Variants in TGS1 observed in about 807,000 individuals in gnomAD.
TGS1 encodes the protein trimethylguanosine synthase 1.
A neutral mutation model predicts 92.2 loss-of-function variants in TGS1; 69 were observed. The ratio of observed to expected loss-of-function variants is 0.75; its 90% confidence interval spans 0.62 to 0.91. The LOEUF (loss-of-function observed/expected upper bound fraction) is 0.91, where lower values mean the gene tolerates loss of function less well. TGS1 is among the 40% of genes least tolerant of loss of function. The probability of loss-of-function intolerance (pLI) is 0.00; values close to 1 mark genes in which losing one functional copy is unlikely to be tolerated. For synonymous variants in TGS1, 345 were observed against 338.1 expected (o/e 1.02, Z -0.22); for missense variants, 1,062 against 1,001.2 (o/e 1.06, Z -0.82).
At chr8:55,782,694 T>C (rs1811599988) in intron 1 of TGS1, 54 bp from the exon 2 acceptor site, 1 of 1,408,440 alleles carries the variant, frequency 7.1e-7, no homozygotes. Context: ...TTTCTTTCCC[T>C]CTAAACTGAT....
intron 5 of TGS1, 146 bp downstream of exon 5, chr8:55,790,445 T>G: frequency 1.6e-6 from 1 of 626,238 alleles, no homozygotes; most frequent in Non-Finnish European, 2.8e-6. Context: ...TTCTGAGCCT[T>G]TGGACCTGGA....
At chr8:55,803,684 TTTC>T (rs1251760503) in intron 9 of TGS1, among the ~76,000 whole-genome samples, 1 of 148,650 alleles carries the variant, frequency 6.7e-6, no homozygotes, top group Non-Finnish European at 1.5e-5. Flanking sequence ...CTTTTTATTT[TTTC>T]TTTTCTTTTT....
At chr8:55,796,201 A>C in intron 7 of TGS1, 49 bp downstream of exon 7, 1 of 1,378,932 alleles carries the variant, frequency 7.3e-7, no homozygotes, top group African/African-American at 1.5e-5. Context: ...ATGTTTTGTA[A>C]GTTTGACCTC....
At chr8:55,774,109 A>G (rs1305855253) in intron 1 of TGS1, among the ~76,000 whole-genome samples, 7 of 152,360 alleles carry the variant, frequency 4.6e-5, no homozygotes, top group African/African-American at 1.7e-4. Flanking sequence ...TTAAACCTAA[A>G]AATCTACTTA....
intron 11 of TGS1, among the ~76,000 whole-genome samples, chr8:55,812,210 G>C (rs1385053242): frequency 6.6e-6 from 1 of 151,978 alleles, no homozygotes; most frequent in Non-Finnish European, 1.5e-5. Flanking sequence ...TAACAGGAAA[G>C]ATATTTCTAA....
rs780553698 is a variant in TGS1 at position 55,804,960 on chromosome 8, C to G, written c.2067C>G (p.Phe689Leu). Residue 689 changes from phenylalanine (F) to leucine (L), a missense_variant, in exon 10 of 13, where the codon TTC becomes TTG. Physicochemically the swap from Phe to Leu is conservative, Grantham distance 22 (BLOSUM62 0). Transcript: ENST00000260129. ...TTGCTGGCCGTGTTAGTCAGTCCTT[C>G]AAGTGTGACGTTGTAGTAGACGCAT... is the stretch of plus-strand genomic sequence containing the variant. ...EHIAGRVSQS[F>L]KCDVVVDAFC... The G allele has an allele frequency of 1.9e-6, 3 of 1,614,020 alleles. No individual in the cohort carries two copies. The highest frequency in any genetic ancestry group is 2.2e-5 in the South Asian group (2 of 91,072).
chr8:55,804,234 A>G (rs758916700), intron 9 of TGS1, among the ~76,000 whole-genome samples: 1 of 152,194 alleles, frequency 6.6e-6, no homozygotes, highest in Non-Finnish European at 1.5e-5. Context: ...TGAGGCCAGG[A>G]GTTCAAGACC....
intron 11 of TGS1, among the ~76,000 whole-genome samples, chr8:55,811,605 C>T (rs1563467726): frequency 6.7e-6 from 1 of 149,702 alleles, no homozygotes; most frequent in African/African-American, 2.5e-5. Flanking sequence ...ACTAAAAATA[C>T]AAAAAATTAG....
rs139226516 is a variant in TGS1, at chr8:55,778,230, G to A, written c.101+4511G>A. 4.7e-3 allele frequency among the ~76,000 whole-genome samples: 708 copies of A among 152,196 alleles called. 3 individuals are homozygous for A. The highest frequency in any genetic ancestry group is 0.016 in the African/African-American group (646 of 41,518). ...TGATCGTACCACTGCACTCCAATCCGGGTGACAGAATGAGACCCTGTCTCA... is the reference window on the plus strand; with the variant it reads ...TGATCGTACCACTGCACTCCAATCCAGGTGACAGAATGAGACCCTGTCTCA... On this transcript the variant is annotated intron_variant, in intron 1 of 12. Transcript: ENST00000260129.
chr8:55,815,355 T>G (rs928103486), intron 12 of TGS1, among the ~76,000 whole-genome samples: 2 of 152,220 alleles, frequency 1.3e-5, no homozygotes, highest in African/African-American at 4.8e-5. Flanking sequence ...TTGATCAGAT[T>G]ACAGTGGGAA....
intron 12 of TGS1, among the ~76,000 whole-genome samples, chr8:55,816,554 A>T (rs1001596765): frequency 2.0e-5 from 3 of 152,220 alleles, no homozygotes; most frequent in Admixed American, 6.5e-5. Flanking sequence ...AAGATAAGTT[A>T]AGTTACTTAT....
At chr8:55,790,147 G>A (rs757191680) in intron 4 of TGS1, 35 bp from the exon 5 acceptor site, 38 of 1,525,830 alleles carry the variant, frequency 2.5e-5, no homozygotes, top group Non-Finnish European at 3.4e-5. Context: ...TCAAACCAAG[G>A]GGGAAAAGCT....
intron 2 of TGS1, among the ~76,000 whole-genome samples, chr8:55,783,020 T>A (rs1811610810): frequency 1.3e-5 from 2 of 152,244 alleles, no homozygotes; most frequent in South Asian, 4.1e-4. Context: ...CTATAGCTCC[T>A]GTGCTGACTT....
At chr8:55,813,989 C>A (rs1372919001) in intron 12 of TGS1, among the ~76,000 whole-genome samples, 2 of 152,112 alleles carry the variant, frequency 1.3e-5, no homozygotes, top group African/African-American at 2.4e-5. Context: ...GCTCTATCAC[C>A]CAGGCTGGAG....
At chr8:55,789,066 G>C (rs955268334) in intron 4 of TGS1, among the ~76,000 whole-genome samples, 8 of 152,158 alleles carry the variant, frequency 5.3e-5, no homozygotes, top group Non-Finnish European at 1.0e-4. Context: ...GAGGGTTTTA[G>C]ATTTTGATTT....
intron 10 of TGS1, among the ~76,000 whole-genome samples, chr8:55,805,881 TAA>T (rs60887117): frequency 0.045 from 5,355 of 119,146 alleles, 140 homozygotes; most frequent in African/African-American, 0.071. Context: ...GACTCCATCT[TAA>T]AAAAAAAAAA....
At position 55,824,632 on chromosome 8, in the gene TGS1, C is replaced by T. The variant is rs1803741826; in HGVS notation, c.2491C>T (p.Leu831Phe). The T allele has an allele frequency of 6.2e-7, 1 of 1,614,080 alleles. No individual in the cohort carries two copies. The highest frequency in any genetic ancestry group is 1.1e-5 in the South Asian group (1 of 91,092). ...GGQVEIEQNFLNNKLKTITAY... is the reference protein window; with the variant it reads ...GGQVEIEQNFFNNKLKTITAY... Reference sequence around the variant, plus strand: ...GCAAGTGGAAATAGAACAGAACTTCCTTAACAACAAATTGAAGACAATCAC... The same window carrying T: ...GCAAGTGGAAATAGAACAGAACTTCTTTAACAACAAATTGAAGACAATCAC... The change falls in exon 13 of 13, where the codon CTT becomes TTT. Residue 831 changes from leucine (L) to phenylalanine (F), a missense_variant. Transcript: ENST00000260129.
chr8:55,824,529 T>C (rs1449982822), intron 12 of TGS1, 52 bp from the exon 13 acceptor site: 19 of 1,606,876 alleles, frequency 1.2e-5, no homozygotes, highest in South Asian at 3.3e-5. Context: ...GTGAAAGACT[T>C]TTGAAATTAT....
At chr8:55,773,863 C>T (rs1255094741) in intron 1 of TGS1, 144 bp downstream of exon 1, 1 of 638,714 alleles carries the variant, frequency 1.6e-6, no homozygotes, top group Non-Finnish European at 2.7e-6. Flanking sequence ...AAAACAAAAC[C>T]CTCAGACATG....
Sources: allele counts gnomAD v4.1 joint callset (sites outside exome capture counted in the v4.1 genomes callset), GRCh38; gene constraint gnomAD v4.1.1; transcripts MANE v1.5; gene names NCBI Gene and HGNC (gene_info 2026-07-23, HGNC 2026-07-21).